VAV2: variants seen among roughly 807,000 people sequenced by gnomAD.
The protein encoded by VAV2 is guanine nucleotide exchange factor VAV2.
Under a neutral mutation model 132.5 loss-of-function variants are expected in VAV2, and 67 were observed. That is an observed-to-expected ratio of 0.51 (90% confidence interval 0.42 to 0.62). The LOEUF is 0.62. Ranked by LOEUF, VAV2 falls within the 20% of genes least tolerant of loss-of-function variation. The pLI is 0.00. For synonymous variants in VAV2, 492 were observed against 443.5 expected (o/e 1.11, Z -1.37); for missense variants, 938 against 1,153.6 (o/e 0.81, Z 2.71).
intron 2 of VAV2, among the ~76,000 whole-genome samples, chr9:133,886,969 T>TG (rs1367330055): frequency 1.3e-5 from 2 of 152,166 alleles, no homozygotes; most frequent in Non-Finnish European, 2.9e-5. Context: ...CCCAGTCCCA[T>TG]GGGGGAGGGA....
At chr9:133,878,866 C>T (rs987614058) in intron 2 of VAV2, among the ~76,000 whole-genome samples, 3 of 152,204 alleles carry the variant, frequency 2.0e-5, no homozygotes, top group Admixed American at 6.5e-5. Context: ...GCCCTCGGCC[C>T]GGGCAGCCTG....
chr9:133,795,807 G>A (rs375946331), intron 11 of VAV2, 71 bp from the exon 12 acceptor site: 1 of 1,548,806 alleles, frequency 6.5e-7, no homozygotes, highest in Non-Finnish European at 8.9e-7. Context: ...CCCTACCTGG[G>A]GCAGGAGGTG....
At position 133,768,672 on chromosome 9, in the gene VAV2, G is replaced by C. The variant is rs749792252; in HGVS notation, c.2435-76C>G. 1 of 1,531,544 alleles carries C rather than the reference G, an allele frequency of 6.5e-7. No individual in the cohort carries two copies. Among genetic ancestry groups the C allele is most frequent in the Non-Finnish European group, 8.8e-7 (1 of 1,139,384 alleles). 94.9% of individuals were successfully genotyped at this position (1,531,544 alleles called of 1,614,324 possible). On this transcript the variant is annotated intron_variant, in intron 28 of 29. Coordinates refer to ENST00000371850, the MANE Select transcript of VAV2 (RefSeq NM_001134398.2). This position sits in a 1 kb window ranked among gnomAD's most constrained non-coding sequence, Gnocchi z 5.3. ...GTGATCCAGGAGGCCCTTGGGCCAA[G>C]CTGGGTCTCTCCCCTGGTGCCCAGA...
rs556009800 is a variant in VAV2 at position 133,823,224 on chromosome 9, G to GTTT, written c.450-11011_450-11009dup. Among the ~76,000 whole-genome samples the GTTT allele has an allele frequency of 8.5e-5, 13 of 152,314 alleles. No homozygotes were observed. The East Asian group carries it at 2.3e-3, about 27-fold the overall frequency. On this transcript the variant is annotated intron_variant, in intron 4 of 29. Transcript: ENST00000371850. The surrounding 1 kb of genome is among the most constrained non-coding windows in gnomAD (Gnocchi z 5.5). ...CCTTTATGAATGACCCTTATGGAGC[G>GTTT]TTTATCTCAGCAGTGAGAAACAGAA... is the stretch of plus-strand genomic sequence containing the variant.
At chr9:133,910,918 A>G (rs1839863431) in intron 2 of VAV2, among the ~76,000 whole-genome samples, 2 of 151,858 alleles carry the variant, frequency 1.3e-5, no homozygotes, top group South Asian at 4.2e-4. Flanking sequence ...GGAGTCTAAC[A>G]CAGTCCCGCA....
At chr9:133,821,392 C>T (rs1835781707) in intron 4 of VAV2, among the ~76,000 whole-genome samples, 1 of 152,200 alleles carries the variant, frequency 6.6e-6, no homozygotes, top group Admixed American at 6.5e-5. Flanking sequence ...CTTTGTAGCC[C>T]TTCCTGTTTC....
intron 1 of VAV2, among the ~76,000 whole-genome samples, chr9:133,972,050 C>T (rs116605466): frequency 0.012 from 1,776 of 152,222 alleles, 32 homozygotes; most frequent in African/African-American, 0.04. Flanking sequence ...GCAGACCAAG[C>T]CCCAATTCCT....
At chr9:133,955,970 G>C (rs531668093) in intron 1 of VAV2, among the ~76,000 whole-genome samples, 9 of 151,134 alleles carry the variant, frequency 6.0e-5, no homozygotes, top group Admixed American at 2.6e-4. Flanking sequence ...GGAGCTCTCA[G>C]ACGGGCAGCC....
rs979899596 is a variant in VAV2 at position 133,863,279 on chromosome 9, G to A, written c.322-1847C>T. ...CACACCTCCTGCGGCAGACGTGGCT[G>A]ATCAATCCCTCCGAGGAGCCGGGCG... On this transcript the variant is annotated intron_variant, in intron 2 of 29. Coordinates refer to ENST00000371850, the MANE Select transcript of VAV2 (RefSeq NM_001134398.2). This position sits in a 1 kb window ranked among gnomAD's most constrained non-coding sequence, Gnocchi z 5.0. Among the ~76,000 whole-genome samples the A allele has an allele frequency of 4.6e-5, 7 of 152,238 alleles. No individual in the cohort carries two copies. The highest frequency in any genetic ancestry group is 7.3e-5 in the Non-Finnish European group (5 of 68,042).
chr9:133,854,400 G>A (rs1837311523), intron 3 of VAV2, among the ~76,000 whole-genome samples: 1 of 152,228 alleles, frequency 6.6e-6, no homozygotes, highest in Non-Finnish European at 1.5e-5. Context: ...TAAACTTGGA[G>A]GCCCCAGCCA....
chr9:133,845,000 C>CTT (rs376680763), intron 3 of VAV2, among the ~76,000 whole-genome samples: 1 of 152,178 alleles, frequency 6.6e-6, no homozygotes, highest in African/African-American at 2.4e-5. Context: ...AACACCGTTC[C>CTT]TTTTTTTTAC....
At chr9:133,829,185 T>TTA (rs1323817595) in intron 4 of VAV2, among the ~76,000 whole-genome samples, 2 of 152,246 alleles carry the variant, frequency 1.3e-5, no homozygotes, top group Non-Finnish European at 2.9e-5. Flanking sequence ...AAGGTACTGA[T>TTA]TATTAGAGCA....
At chr9:133,960,806 G>T (rs1237032069) in intron 1 of VAV2, among the ~76,000 whole-genome samples, 1 of 152,216 alleles carries the variant, frequency 6.6e-6, no homozygotes, top group Non-Finnish European at 1.5e-5. Flanking sequence ...CTCCCTGAGG[G>T]AAGAAGAACT....
intron 3 of VAV2, among the ~76,000 whole-genome samples, chr9:133,845,168 G>A (rs1349041904): frequency 6.6e-6 from 1 of 152,238 alleles, no homozygotes; most frequent in Non-Finnish European, 1.5e-5. Flanking sequence ...GGCGGACATG[G>A]GCCACAGCGG....
Position 133,884,945 on chromosome 9 carries a change from C to G in VAV2, c.322-23513G>C, listed in dbSNP as rs1168809063. ...CCCCACTTCCAGCCTGATGAACCCACCTGAGCCAGCCACAGTGACAGGTGG... is the reference window on the plus strand; with the variant it reads ...CCCCACTTCCAGCCTGATGAACCCAGCTGAGCCAGCCACAGTGACAGGTGG... On this transcript the variant is annotated intron_variant, in intron 2 of 29. Coordinates refer to ENST00000371850, the MANE Select transcript of VAV2 (RefSeq NM_001134398.2). This position sits in a 1 kb window ranked among gnomAD's most constrained non-coding sequence, Gnocchi z 5.3. 4.6e-5 allele frequency among the ~76,000 whole-genome samples: 7 copies of G among 152,170 alleles called. No individual in the cohort carries two copies. Among genetic ancestry groups the G allele is most frequent in the Non-Finnish European group, 8.8e-5 (6 of 68,034 alleles).
Position 133,991,935 on chromosome 9 carries a change from G to A in VAV2, c.204+140C>T. ...TCGGAGGCCCGGGGCGCACCCTCCAGCCGCCCGCCCGCGTCCCGGAGCCCG... is the reference window on the plus strand; with the variant it reads ...TCGGAGGCCCGGGGCGCACCCTCCAACCGCCCGCCCGCGTCCCGGAGCCCG... On this transcript the variant is annotated intron_variant, in intron 1 of 29. Transcript: ENST00000371850. This position sits in a 1 kb window ranked among gnomAD's most constrained non-coding sequence, Gnocchi z 4.8. 1.5e-6 allele frequency: 1 copy of A among 649,216 alleles called. No homozygotes were observed. Among genetic ancestry groups the A allele is most frequent in the Non-Finnish European group, 2.0e-6 (1 of 505,356 alleles). 40.2% of individuals were successfully genotyped at this position (649,216 alleles called of 1,614,324 possible).
At chr9:133,815,781 C>T (rs57378889) in intron 4 of VAV2, among the ~76,000 whole-genome samples, 32,575 of 152,010 alleles carry the variant, frequency 0.21, 4,261 homozygotes, top group African/African-American at 0.37. Flanking sequence ...TGTGTGTGTG[C>T]GTGTGTATGC....
rs530365894 is a variant in VAV2 at position 133,834,485 on chromosome 9, C to A, written c.381-145G>T. 3 of 806,704 alleles carry A rather than the reference C, an allele frequency of 3.7e-6. No individual in the cohort carries two copies. The Admixed American group carries it at 7.9e-5, about 21-fold the overall frequency. The allele number at this position is 806,704 out of a possible 1,614,324, so 50.0% of individuals were successfully genotyped here. A position where few individuals can be genotyped will look rare whatever the true frequency, so the allele number is the denominator to read the frequency against. On this transcript the variant is annotated intron_variant, in intron 3 of 29. Transcript: ENST00000371850. This position sits in a 1 kb window ranked among gnomAD's most constrained non-coding sequence, Gnocchi z 5.9. ...CCACTCTCTGGAAGGACACAGGGTG[C>A]GCGGACACTGATCGGAGTCACAGGA...
intron 2 of VAV2, among the ~76,000 whole-genome samples, chr9:133,920,414 G>C (rs1840256128): frequency 1.3e-5 from 2 of 152,206 alleles, no homozygotes. Flanking sequence ...CTTCATAGAA[G>C]AGGCGGTGCT....
Sources: allele counts gnomAD v4.1 joint callset (sites outside exome capture counted in the v4.1 genomes callset), GRCh38; gene constraint gnomAD v4.1.1; non-coding constraint Gnocchi (gnomAD v3.1); transcripts MANE v1.5; gene names NCBI Gene and HGNC (gene_info 2026-07-23, HGNC 2026-07-21).